The following DUOX2 variants were observed in gnomAD, a reference collection of about 807,000 sequenced individuals.
DUOX2 encodes the protein dual oxidase 2.
A neutral mutation model predicts 183.3 loss-of-function variants in DUOX2; 185 were observed. The observed-to-expected ratio is 1.01, with a 90% CI of 0.90 to 1.14. DUOX2 has a LOEUF of 1.14. DUOX2 is among the 50% of genes most tolerant of loss of function. The pLI is 0.00. For missense variants in DUOX2, 1,999 were observed against 2,022.9 expected (o/e 0.99, Z 0.23); for synonymous variants, 788 against 812.4 (o/e 0.97, Z 0.51).
intron 15 of DUOX2, 81 bp downstream of exon 15, chr15:45,106,751 C>A (rs918093174): frequency 1.9e-6 from 3 of 1,605,598 alleles, no homozygotes; most frequent in Non-Finnish European, 2.6e-6. Context: ...TGGTCTCAAA[C>A]GGTACCAAAT....
At chr15:45,096,179 G>A in intron 29 of DUOX2, 119 bp from the exon 30 acceptor site, 1 of 857,144 alleles carries the variant, frequency 1.2e-6, no homozygotes, top group Non-Finnish European at 1.9e-6. Context: ...CATGGTCTGA[G>A]CAAGCGGGGC....
Position 45,108,294 on chromosome 15 carries a change from C to T in DUOX2, c.1399-72G>A, listed in dbSNP as rs535911976. 1.2e-4 allele frequency: 192 copies of T among 1,566,352 alleles called. No homozygotes were observed. In the African/African-American group the frequency reaches 1.6e-3, roughly 13 times the overall value. On this transcript the variant is annotated intron_variant, in intron 12 of 33. Coordinates refer to ENST00000389039, the MANE Select transcript of DUOX2 (RefSeq NM_001363711.2). Reference sequence around the variant, plus strand: ...GGGCAGCCACTGTTGCCCCATCCCTCGGGCACAGAACCTCAGCCGCTGCCT... The same window carrying T: ...GGGCAGCCACTGTTGCCCCATCCCTTGGGCACAGAACCTCAGCCGCTGCCT...
At chr15:45,099,296 C>G in intron 26 of DUOX2, 87 bp downstream of exon 26, 1 of 1,240,232 alleles carries the variant, frequency 8.1e-7, no homozygotes, top group Non-Finnish European at 1.2e-6. Flanking sequence ...AGGCGTGAGC[C>G]ACCGCGCCCG....
Position 45,107,449 on chromosome 15 carries a change from T to C in DUOX2, c.1589A>G (p.Lys530Arg). 1 of 1,614,146 alleles carries C rather than the reference T, an allele frequency of 6.2e-7. No individual in the cohort carries two copies. The highest frequency in any genetic ancestry group is 8.5e-7 in the Non-Finnish European group (1 of 1,179,984). ...ENTRNGLFSK[K>R]EIEDIRNTTL... ...GGTATTTCGGATGTCTTCAATCTCC[T>C]TCTTGGAGAACAGCCTAAGTTGGAG... The change falls in exon 14 of 34, where the codon AAG becomes AGG. Residue 530 changes from lysine to arginine, a missense_variant. Lys to Arg is a conservative substitution (Grantham distance 26). Transcript: ENST00000389039.
chr15:45,109,691 C>T (rs937550804), intron 10 of DUOX2, 65 bp from the exon 11 acceptor site: 73 of 1,523,908 alleles, frequency 4.8e-5, no homozygotes, highest in Non-Finnish European at 6.3e-5. Context: ...CAGCCTGGAC[C>T]ACTTTAGTAC....
At chr15:45,101,012 A>G (rs1399457356) in intron 22 of DUOX2, 174 bp from the exon 23 acceptor site, 3 of 696,484 alleles carry the variant, frequency 4.3e-6, no homozygotes, top group South Asian at 3.3e-5. Context: ...TCTGGCCTGG[A>G]GCAGCAGGGA....
At chr15:45,103,902 T>C in intron 20 of DUOX2, 58 bp downstream of exon 20, 19 of 1,584,128 alleles carry the variant, frequency 1.2e-5, no homozygotes, top group Non-Finnish European at 1.6e-5. Flanking sequence ...TGACTGGACC[T>C]GTTTTCCTGT....
chr15:45,113,225 T>G, intron 2 of DUOX2, 117 bp downstream of exon 2: 1 of 1,455,356 alleles, frequency 6.9e-7, no homozygotes, highest in Non-Finnish European at 9.4e-7. Context: ...CCCATCCCGC[T>G]GAGCTGCACG....
chr15:45,100,473 C>T (rs896219723), intron 23 of DUOX2: 3 of 607,956 alleles, frequency 4.9e-6, no homozygotes, highest in Non-Finnish European at 8.7e-6. Flanking sequence ...TTCTTTCTTC[C>T]TGATCCCAGC....
rs891250099 is a variant in DUOX2, at chr15:45,110,714, AG to A, written c.883-5del. On this transcript the variant is annotated splice_region_variant and splice_polypyrimidine_tract_variant and intron_variant, in intron 7 of 33. Transcript: ENST00000389039. ...GCCACTCATACACAGCGATGTTCTG[AG>A]GGGCAGAGAGGGGCGAGGGGAGGCA... 1.2e-6 allele frequency: 2 copies of A among 1,611,836 alleles called. No individual in the cohort carries two copies. Among genetic ancestry groups the A allele is most frequent in the African/African-American group, 2.7e-5 (2 of 74,772 alleles).
Position 45,108,102 on chromosome 15 carries a change from G to C in DUOX2, c.1519C>G (p.Gln507Glu). 1.2e-6 allele frequency: 2 copies of C among 1,614,136 alleles called. No individual in the cohort carries two copies. The highest frequency in any genetic ancestry group is 1.7e-6 in the Non-Finnish European group (2 of 1,180,010). The change falls in exon 13 of 34, where the codon CAG (glutamine) becomes GAG (glutamate). Residue 507 changes from glutamine (Q) to glutamate (E), a missense_variant. Gln to Glu is a conservative substitution (Grantham distance 29). This residue lies in a region of DUOX2 where 1,628 missense variants were observed against 1,608.6 expected (regional missense o/e 1.01). Transcript: ENST00000389039. ...TCACCATCCCGCAGCCGTACAAACT[G>C]GTCGAGGACAATGGCACTGAACAGG... ...GPLFSAIVLD[Q>E]FVRLRDGDRY...
rs764013641 is a variant in DUOX2, at chr15:45,104,138, A to G, written c.2560+2T>C. On this transcript the variant is annotated splice_donor_variant, in intron 19 of 33. Transcript: ENST00000389039. LOFTEE classifies it high-confidence loss of function. ...ATAGCCTGCCACCTCCCAGCCCCCT[A>G]CCTTTCATGAAGACCACCAGGATGT... 6.8e-6 allele frequency: 11 copies of G among 1,614,092 alleles called. No individual in the cohort carries two copies. The highest frequency in any genetic ancestry group is 1.3e-5 in the African/African-American group (1 of 75,028).
chr15:45,097,816 C>T, intron 27 of DUOX2, 75 bp from the exon 28 acceptor site: 3 of 1,608,236 alleles, frequency 1.9e-6, no homozygotes, highest in Admixed American at 1.7e-5. Context: ...AGCACATTCC[C>T]CTATCCTTCC....
intron 8 of DUOX2, 43 bp downstream of exon 8, chr15:45,110,607 T>G (rs372260934): frequency 8.4e-5 from 136 of 1,613,574 alleles, no homozygotes; most frequent in African/African-American, 3.5e-4. Flanking sequence ...CTCCTTCCCC[T>G]CAGGATTCTC....
chr15:45,112,678 G>A lies in DUOX2; in HGVS notation c.201C>T (p.Asp67=), dbSNP rs756138223. ...GCTCCTCCAGAGCCTGATACACACC[G>A]TCGGCGTAATTGGCTGGTACGCGGC... The part of the protein sequence containing the change: ...LQRRVPANYA[D]GVYQALEEPQ... The change falls in exon 4 of 34, where the codon GAC becomes GAT. Residue 67 remains aspartate (D), a synonymous_variant. Transcript: ENST00000389039. 32 of 1,612,584 alleles carry A rather than the reference G, an allele frequency of 2.0e-5. No individual in the cohort carries two copies. The highest frequency in any genetic ancestry group is 2.7e-5 in the African/African-American group (2 of 74,916).
chr15:45,095,362 C>T, intron 31 of DUOX2, 75 bp downstream of exon 31: 3 of 1,599,420 alleles, frequency 1.9e-6, no homozygotes, highest in Admixed American at 1.7e-5. Flanking sequence ...AGCTTTCTCT[C>T]ATGCTCCACC....
In DUOX2 at chr15:45,101,830, C is replaced by T. The variant is rs749252728; in HGVS notation, c.2814G>A (p.Thr938=). 20 of 1,614,106 alleles carry T rather than the reference C, an allele frequency of 1.2e-5. No individual in the cohort carries two copies. The highest frequency in any genetic ancestry group is 1.6e-4 in the Middle Eastern group (1 of 6,084). ...CACCTCCACCTTTGACACAGAGCTGCGTGAAGCGGAGCTCGCTGTCATGGT... is the reference window on the plus strand; with the variant it reads ...CACCTCCACCTTTGACACAGAGCTGTGTGAAGCGGAGCTCGCTGTCATGGT... ...LRDHDSELRF[T]QLCVKGGGGG... The change falls in exon 21 of 34, where the codon ACG becomes ACA. Residue 938 remains threonine (T), a synonymous_variant. Coordinates refer to ENST00000389039, the MANE Select transcript of DUOX2 (RefSeq NM_001363711.2).
In DUOX2 at chr15:45,109,605, G is replaced by C. The variant is rs760186738; in HGVS notation, c.1153C>G (p.Gln385Glu). The C allele has an allele frequency of 1.7e-5, 28 of 1,613,946 alleles. No individual in the cohort carries two copies. In the Admixed American group the frequency reaches 4.7e-4, roughly 27 times the overall value. Residue 385 changes from glutamine to glutamate, a missense_variant, in exon 11 of 34, where the codon CAG becomes GAG. This residue lies in a region of DUOX2 where 1,628 missense variants were observed against 1,608.6 expected (regional missense o/e 1.01). Coordinates refer to ENST00000389039, the MANE Select transcript of DUOX2 (RefSeq NM_001363711.2). Reference protein sequence around the residue: ...IRENPNLNSTQEVNELLLGMA... With the variant: ...IRENPNLNSTEEVNELLLGMA... ...CCCAGCAGCAGCTCATTCACCTCCT[G>C]GGTACTGTTCAGATTGGGGTTCTGG...
intron 20 of DUOX2, among the ~76,000 whole-genome samples, chr15:45,103,281 T>C (rs1304704926): frequency 1.3e-5 from 2 of 152,268 alleles, no homozygotes; most frequent in African/African-American, 2.4e-5. Context: ...TGCTCACTTA[T>C]TTCATTTTGT....
Sources: gnomAD v4.1 joint callset for allele counts (sites outside exome capture counted in the v4.1 genomes callset) on GRCh38, gnomAD v4.1.1 for gene constraint, gnomAD v4.1.1 regional missense constraint, MANE v1.5 for transcripts, NCBI Gene and HGNC (gene_info 2026-07-23, HGNC 2026-07-21) for gene names.